LIFR: variants seen among roughly 807,000 people sequenced by gnomAD.
LIFR encodes the protein leukemia inhibitory factor receptor.
Under a neutral mutation model 122.2 loss-of-function variants are expected in LIFR, and 84 were observed. The observed-to-expected ratio is 0.69, with a 90% CI of 0.58 to 0.82. The LOEUF is 0.82. LIFR is among the 40% of genes least tolerant of loss of function. LIFR has a pLI of 0.00. For missense variants in LIFR, 1,294 were observed against 1,311.6 expected (o/e 0.99, Z 0.21); for synonymous variants, 422 against 434.7 (o/e 0.97, Z 0.36).
intron 1 of LIFR, among the ~76,000 whole-genome samples, chr5:38,553,002 C>A (rs1190963674): frequency 6.6e-6 from 1 of 152,202 alleles, no homozygotes; most frequent in African/African-American, 2.4e-5. Context: ...CCACCACTCA[C>A]ATCTTTCCCA....
At chr5:38,578,979 G>A (rs1268682484) in intron 1 of LIFR, among the ~76,000 whole-genome samples, 2 of 152,180 alleles carry the variant, frequency 1.3e-5, no homozygotes, top group Non-Finnish European at 2.9e-5. Context: ...AATACAGAAT[G>A]AGTACACCTG....
chr5:38,550,129 A>C (rs776891897), intron 1 of LIFR: 45 of 246,902 alleles, frequency 1.8e-4, no homozygotes, highest in Non-Finnish European at 2.2e-4. Context: ...TCTGATGAGT[A>C]ATACAAAATT....
intron 5 of LIFR, among the ~76,000 whole-genome samples, chr5:38,513,042 T>C (rs999496139): frequency 6.6e-6 from 1 of 152,304 alleles, no homozygotes; most frequent in Non-Finnish European, 1.5e-5. Context: ...AATATTGAGG[T>C]GCTATAAAAG....
chr5:38,492,225 T>G (rs1744631958), intron 14 of LIFR, among the ~76,000 whole-genome samples: 1 of 152,120 alleles, frequency 6.6e-6, no homozygotes, highest in Non-Finnish European at 1.5e-5. Context: ...TTCTCTGAGT[T>G]TTTGTTTTCT....
intron 2 of LIFR, among the ~76,000 whole-genome samples, chr5:38,530,096 C>G (rs534393914): frequency 6.6e-6 from 1 of 152,124 alleles, no homozygotes; most frequent in South Asian, 2.1e-4. Flanking sequence ...ATTATAGAGA[C>G]AGAAAACAGT....
chr5:38,536,416 T>G (rs1299829246), intron 1 of LIFR, among the ~76,000 whole-genome samples: 1 of 152,018 alleles, frequency 6.6e-6, no homozygotes, highest in Non-Finnish European at 1.5e-5. Context: ...AGGGATGATT[T>G]AAAGTAATCT....
At chr5:38,547,216 C>A (rs751049347) in intron 1 of LIFR, among the ~76,000 whole-genome samples, 2 of 152,036 alleles carry the variant, frequency 1.3e-5, no homozygotes, top group Non-Finnish European at 2.9e-5. Flanking sequence ...TCCAGTGTGA[C>A]GAGATAGATA....
chr5:38,543,262 G>C (rs1449016162), intron 1 of LIFR, among the ~76,000 whole-genome samples: 1 of 151,916 alleles, frequency 6.6e-6, no homozygotes, highest in African/African-American at 2.4e-5. Flanking sequence ...ATGCTCCAGG[G>C]AGGCCCAAGC....
chr5:38,500,756 T>C (rs1745131626), intron 11 of LIFR, among the ~76,000 whole-genome samples: 1 of 152,204 alleles, frequency 6.6e-6, no homozygotes, highest in East Asian at 1.9e-4. Flanking sequence ...AAAACTACAG[T>C]GGCTAGTCTC....
intron 13 of LIFR, among the ~76,000 whole-genome samples, 162 bp downstream of exon 13, chr5:38,496,220 T>C (rs574856345): frequency 3.5e-4 from 53 of 152,344 alleles, no homozygotes; most frequent in African/African-American, 1.3e-3. Flanking sequence ...TAATGACTTC[T>C]TTCTCAATGA....
chr5:38,604,488 C>A (rs1393456820), intron 2 of LIFR, among the ~76,000 whole-genome samples: 1 of 152,122 alleles, frequency 6.6e-6, no homozygotes, highest in African/African-American at 2.4e-5. Context: ...GGGCGGATCA[C>A]CTGAGGTCAG....
intron 1 of LIFR, among the ~76,000 whole-genome samples, chr5:38,540,150 C>A (rs1747511224): frequency 6.6e-6 from 1 of 152,126 alleles, no homozygotes; most frequent in East Asian, 1.9e-4. Flanking sequence ...CAGGTAGGGG[C>A]TCGCAGATAA....
At chr5:38,507,477 C>T (rs1240102800) in intron 7 of LIFR, among the ~76,000 whole-genome samples, 2 of 150,550 alleles carry the variant, frequency 1.3e-5, no homozygotes, top group Admixed American at 1.3e-4. Context: ...GGCAGGAGAA[C>T]CGCTTGAACC....
chr5:38,496,973 T>C (rs1482726562), intron 12 of LIFR, among the ~76,000 whole-genome samples: 1 of 151,512 alleles, frequency 6.6e-6, no homozygotes, highest in Non-Finnish European at 1.5e-5. Flanking sequence ...CGAGACTCCA[T>C]CTCAAAAACA....
rs1159368035 is a variant in LIFR at position 38,482,032 on chromosome 5, T to C, written c.2857A>G (p.Ile953Val). The C allele has an allele frequency of 6.2e-7, 1 of 1,614,058 alleles. No homozygotes were observed. The highest frequency in any genetic ancestry group is 2.2e-5 in the East Asian group (1 of 44,872). ...GGGTTTGGTATTTCTTCCTCAATGATGGGTGGACAATAGGACACAACCACA... is the reference window on the plus strand; with the variant it reads ...GGGTTTGGTATTTCTTCCTCAATGACGGGTGGACAATAGGACACAACCACA... ...NHVVVSYCPPIIEEEIPNPAA... is the reference protein window; with the variant it reads ...NHVVVSYCPPVIEEEIPNPAA... Residue 953 changes from isoleucine (I) to valine (V), a missense_variant, in exon 20 of 20, where the codon ATC becomes GTC. Physicochemically the swap from Ile to Val is conservative, Grantham distance 29 (BLOSUM62 3). Transcript: ENST00000453190.
chr5:38,530,060 T>C (rs1185138904), intron 2 of LIFR, among the ~76,000 whole-genome samples: 3 of 152,192 alleles, frequency 2.0e-5, no homozygotes, highest in East Asian at 3.8e-4. Flanking sequence ...TTGGATTTCA[T>C]TGATATGACA....
intron 14 of LIFR, among the ~76,000 whole-genome samples, chr5:38,492,166 C>T (rs535739320): frequency 1.3e-5 from 2 of 152,272 alleles, no homozygotes; most frequent in Admixed American, 1.3e-4. Context: ...GAATTTGAAC[C>T]TGGGTTCTAT....
upstream of LIFR, chr5:38,557,985 T>A (rs1748674007): frequency 6.6e-6 from 1 of 152,180 alleles, no homozygotes; most frequent in Non-Finnish European, 1.5e-5. Context: ...TTGGGAAATT[T>A]ATCATTATTC....
At chr5:38,590,820 T>C (rs1749899094) in intron 1 of LIFR, among the ~76,000 whole-genome samples, 1 of 152,220 alleles carries the variant, frequency 6.6e-6, no homozygotes. Context: ...GCACACAGCA[T>C]TCAAACCCGG....
Sources: gnomAD v4.1 joint callset for allele counts (sites outside exome capture counted in the v4.1 genomes callset) on GRCh38, gnomAD v4.1.1 for gene constraint, MANE v1.5 for transcripts, NCBI Gene and HGNC (gene_info 2026-07-23, HGNC 2026-07-21) for gene names.